ALPK3: variants seen among roughly 807,000 people sequenced by gnomAD.
The protein encoded by ALPK3 is alpha-protein kinase 3.
Under a neutral mutation model 140.0 loss-of-function variants are expected in ALPK3, and 102 were observed. That is an observed-to-expected ratio of 0.73 (90% CI 0.62 to 0.86). The LOEUF (loss-of-function observed/expected upper bound fraction) is 0.86. ALPK3 is among the 40% of genes least tolerant of loss of function. ALPK3 has a pLI of 0.00. For synonymous variants in ALPK3, 938 were observed against 898.5 expected (o/e 1.04, Z -0.79); for missense variants, 2,254 against 2,208.2 (o/e 1.02, Z -0.42).
At position 84,864,652 on chromosome 15, in the gene ALPK3, C is replaced by T. The variant is rs1181196804; in HGVS notation, c.4710C>T (p.Val1570=). ...AGTGGACAAATGGCAGCTTCCTTGT[C>T]ACAGACTTGGCAGGTACGAGGGTGT... ...LYQWTNGSFL[V]TDLAGVDWKM... The change falls in exon 12 of 14, where the codon GTC becomes GTT. Residue 1570 remains valine, a synonymous_variant. Transcript: ENST00000258888. The T allele has an allele frequency of 6.2e-7, 1 of 1,614,060 alleles. No individual in the cohort carries two copies. The highest frequency in any genetic ancestry group is 1.1e-5 in the South Asian group (1 of 91,068).
At chr15:84,842,335 A>G (rs1327876512) in intron 5 of ALPK3, among the ~76,000 whole-genome samples, 5 of 152,244 alleles carry the variant, frequency 3.3e-5, no homozygotes, top group South Asian at 2.1e-4. Context: ...TGCCCAGCCC[A>G]GTATTTCTTT....
chr15:84,867,945 G>T (rs1201111409), intron 13 of ALPK3, among the ~76,000 whole-genome samples, 166 bp from the exon 14 acceptor site: 2 of 152,000 alleles, frequency 1.3e-5, no homozygotes, highest in African/African-American at 4.8e-5. Flanking sequence ...TGAGGTTTTG[G>T]CTGCTGCCAC....
chr15:84,817,670 C>T, intron 1 of ALPK3, 75 bp downstream of exon 1: 1 of 1,380,930 alleles, frequency 7.2e-7, no homozygotes. Flanking sequence ...GGCGGCCTGG[C>T]CCCTGGAGGC....
intron 1 of ALPK3, among the ~76,000 whole-genome samples, chr15:84,821,024 TC>T (rs1963416304): frequency 6.6e-6 from 1 of 152,092 alleles, no homozygotes; most frequent in African/African-American, 2.4e-5. Context: ...ATGTATGAAT[TC>T]CCATTTTGTG....
chr15:84,867,363 AG>A lies in ALPK3; in HGVS notation c.4772+1del. The A allele has an allele frequency of 1.9e-6, 3 of 1,613,956 alleles. No homozygotes were observed. Among genetic ancestry groups the A allele is most frequent in the Non-Finnish European group, 2.5e-6 (3 of 1,179,938 alleles). ...TDVQIATKLR[G>X]YQGLKESCFP... Reference sequence around the variant, plus strand: ...ATGTGCAGATTGCTACCAAACTCCGAGGGTGAGTGGTTCTTGGGGACAGAAT... The same window carrying A: ...ATGTGCAGATTGCTACCAAACTCCGAGGTGAGTGGTTCTTGGGGACAGAAT... On this transcript the variant is annotated frameshift_variant and splice_region_variant, in exon 13 of 14. Transcript: ENST00000258888. LOFTEE classifies it high-confidence loss of function.
chr15:84,830,939 C>G (rs1963539891), intron 3 of ALPK3, among the ~76,000 whole-genome samples: 1 of 152,124 alleles, frequency 6.6e-6, no homozygotes, highest in South Asian at 2.1e-4. Context: ...GTCTCAAACT[C>G]CTGGGCTCAA....
intron 12 of ALPK3, among the ~76,000 whole-genome samples, chr15:84,865,416 G>A (rs1308571428): frequency 6.6e-6 from 1 of 152,104 alleles, no homozygotes; most frequent in African/African-American, 2.4e-5. Flanking sequence ...GTTTCACTGG[G>A]GTTAAATTGT....
At chr15:84,846,181 C>A (rs891852603) in intron 5 of ALPK3, among the ~76,000 whole-genome samples, 4 of 152,198 alleles carry the variant, frequency 2.6e-5, no homozygotes, top group Non-Finnish European at 5.9e-5. Flanking sequence ...GTAGCCTGAA[C>A]ACAACTAGGT....
At chr15:84,827,285 T>A (rs943611093) in intron 2 of ALPK3, among the ~76,000 whole-genome samples, 199 bp from the exon 3 acceptor site, 2 of 152,216 alleles carry the variant, frequency 1.3e-5, no homozygotes, top group Admixed American at 1.3e-4. Context: ...TGGGCCAGGA[T>A]TCCATTCAAC....
chr15:84,825,040 C>T (rs1963469290), intron 2 of ALPK3, among the ~76,000 whole-genome samples: 1 of 152,186 alleles, frequency 6.6e-6, no homozygotes, highest in Admixed American at 6.5e-5. Flanking sequence ...TTCAGCTAGC[C>T]ACCCTTTCAG....
chr15:84,834,487 C>T (rs1398700722), intron 3 of ALPK3, among the ~76,000 whole-genome samples: 2 of 152,230 alleles, frequency 1.3e-5, no homozygotes, highest in African/African-American at 4.8e-5. Flanking sequence ...GAGAAGTATT[C>T]AGCTTAGTAT....
chr15:84,826,720 G>A (rs911520463), intron 2 of ALPK3, among the ~76,000 whole-genome samples: 1 of 152,136 alleles, frequency 6.6e-6, no homozygotes, highest in Non-Finnish European at 1.5e-5. Context: ...TTGCAGGGGT[G>A]GATCCGTTTG....
At chr15:84,847,031 A>G (rs1189765634) in intron 5 of ALPK3, among the ~76,000 whole-genome samples, 4 of 152,262 alleles carry the variant, frequency 2.6e-5, no homozygotes, top group East Asian at 3.9e-4. Flanking sequence ...CCAAATATCA[A>G]TTTTAGAATT....
In ALPK3 at chr15:84,819,975, C is replaced by A. The variant is rs115034301; in HGVS notation, c.143+2380C>A. Among the ~76,000 whole-genome samples the A allele has an allele frequency of 2.0e-3, 300 of 152,290 alleles. 2 individuals are homozygous for A. The highest frequency in any genetic ancestry group is 6.5e-3 in the African/African-American group (268 of 41,550). ...AGTCCATGTCGGTGCAAGAATATTT[C>A]CAATGCCCACTGGGGTCAGAGGTCT... On this transcript the variant is annotated intron_variant, in intron 1 of 13. Coordinates refer to ENST00000258888, the MANE Select transcript of ALPK3 (RefSeq NM_020778.5).
In ALPK3 at chr15:84,862,978, C is replaced by G. The variant is rs558402664; in HGVS notation, c.4410+63C>G. 112 of 1,568,582 alleles carry G rather than the reference C, an allele frequency of 7.1e-5. No individual in the cohort carries two copies. The African/African-American group carries it at 1.5e-3, about 20-fold the overall frequency. ...TCTCACCCCCTCCCCTTTCCCAGCC[C>G]AGGTCCTGTTAGGATGCCCAGTATC... On this transcript the variant is annotated intron_variant, in intron 10 of 13. Coordinates refer to ENST00000258888, the MANE Select transcript of ALPK3 (RefSeq NM_020778.5).
chr15:84,865,951 TAAAG>T (rs934756838), intron 12 of ALPK3, among the ~76,000 whole-genome samples: 2 of 152,052 alleles, frequency 1.3e-5, no homozygotes, highest in African/African-American at 2.4e-5. Context: ...AAAAAAATAA[TAAAG>T]AAAAAAATAA....
At chr15:84,833,957 T>TTGTGTGTGTGTGTGTGTG (rs71453270) in intron 3 of ALPK3, among the ~76,000 whole-genome samples, 6 of 147,226 alleles carry the variant, frequency 4.1e-5, no homozygotes, top group African/African-American at 5.1e-5. Context: ...AGATTCTGTG[T>TTGTGTGTGTGTGTGTGTG]TGTGTGTGTG....
intron 2 of ALPK3, among the ~76,000 whole-genome samples, chr15:84,826,703 C>G (rs1303551923): frequency 1.3e-5 from 2 of 152,174 alleles, no homozygotes; most frequent in African/African-American, 4.8e-5. Context: ...ACTAAAAGTT[C>G]TGGCTTTTGC....
At chr15:84,863,465 G>C in intron 10 of ALPK3, 87 bp from the exon 11 acceptor site, 1 of 1,205,002 alleles carries the variant, frequency 8.3e-7, no homozygotes, top group Non-Finnish European at 1.2e-6. Flanking sequence ...TCCCCTAACA[G>C]AATAGGTAGC....
Sources: allele counts gnomAD v4.1 joint callset (sites outside exome capture counted in the v4.1 genomes callset), GRCh38; gene constraint gnomAD v4.1.1; transcripts MANE v1.5; gene names NCBI Gene and HGNC (gene_info 2026-07-23, HGNC 2026-07-21).